PARD3: variants seen among roughly 807,000 people sequenced by gnomAD.
PARD3 encodes partitioning defective 3 homolog.
PARD3 carries 75 observed loss-of-function variants against 155.4 expected under a neutral mutation model. The observed-to-expected ratio is 0.48, with a 90% CI of 0.40 to 0.58. The LOEUF is 0.58. Ranked by LOEUF, PARD3 falls within the 20% of genes least tolerant of loss-of-function variation. The pLI, the probability that PARD3 is intolerant of heterozygous loss-of-function variation, is 0.00. For synonymous variants in PARD3, 576 were observed against 610.5 expected (o/e 0.94, Z 0.83); for missense variants, 1,642 against 1,721.7 (o/e 0.95, Z 0.82).
chr10:34,805,243 G>C (rs1843224438), intron 1 of PARD3, among the ~76,000 whole-genome samples: 1 of 152,046 alleles, frequency 6.6e-6, no homozygotes, highest in Non-Finnish European at 1.5e-5. Flanking sequence ...TGTAATCTCA[G>C]CTACTCGGAA....
intron 4 of PARD3, among the ~76,000 whole-genome samples, chr10:34,454,942 A>G (rs914780606): frequency 3.9e-5 from 6 of 152,138 alleles, no homozygotes. Flanking sequence ...GCCCTCCCCA[A>G]GCTTATTACA....
At chr10:34,439,598 C>T (rs1305053788) in intron 5 of PARD3, among the ~76,000 whole-genome samples, 1 of 152,072 alleles carries the variant, frequency 6.6e-6, no homozygotes, top group East Asian at 1.9e-4. Context: ...GTTGGGATTA[C>T]TGCGTGTGCC....
chr10:34,419,743 T>C (rs1265955016), intron 5 of PARD3, among the ~76,000 whole-genome samples: 2 of 152,176 alleles, frequency 1.3e-5, no homozygotes, highest in African/African-American at 4.8e-5. Context: ...ATTCCAACTC[T>C]CCCTTCAGAA....
At chr10:34,481,918 A>C (rs1284975714) in intron 3 of PARD3, among the ~76,000 whole-genome samples, 1 of 151,836 alleles carries the variant, frequency 6.6e-6, no homozygotes, top group Non-Finnish European at 1.5e-5. Context: ...CTGCAGCCTT[A>C]ACTCCTGGCC....
chr10:34,277,000 T>C (rs1158183462), intron 21 of PARD3, among the ~76,000 whole-genome samples: 1 of 152,214 alleles, frequency 6.6e-6, no homozygotes, highest in Non-Finnish European at 1.5e-5. Flanking sequence ...ATCAGATAGT[T>C]GTTGACTATC....
intron 3 of PARD3, among the ~76,000 whole-genome samples, chr10:34,473,506 G>C (rs1255701024): frequency 6.7e-6 from 1 of 149,828 alleles, no homozygotes; most frequent in East Asian, 2.0e-4. Flanking sequence ...GGGCAACACA[G>C]TGAGATCCTG....
chr10:34,712,511 T>C (rs143855868), intron 1 of PARD3, among the ~76,000 whole-genome samples: 135 of 152,292 alleles, frequency 8.9e-4, no homozygotes, highest in African/African-American at 3.0e-3. Context: ...CTGTATTTTG[T>C]AGAAGAAGAG....
At chr10:34,350,410 C>T (rs999902598) in intron 14 of PARD3, among the ~76,000 whole-genome samples, 1 of 152,026 alleles carries the variant, frequency 6.6e-6, no homozygotes, top group East Asian at 1.9e-4. Flanking sequence ...TTTGGAAGGC[C>T]GAGGCGGGTG....
chr10:34,264,747 AT>A (rs71523323), intron 22 of PARD3, among the ~76,000 whole-genome samples: 29,493 of 145,130 alleles, frequency 0.2, 4,079 homozygotes, highest in African/African-American at 0.4. Context: ...AAAAACTGGG[AT>A]TTTTTTTTTT....
Position 34,616,845 on chromosome 10 carries a change from G to A in PARD3, c.222+79473C>T, listed in dbSNP as rs1260621318. On this transcript the variant is annotated intron_variant, in intron 2 of 24. Coordinates refer to ENST00000374788, the MANE Select transcript of PARD3 (RefSeq NM_001184785.2). ...AGCTACTCAGGACACTGAGGTGGAAGAAACATATGAGCATGGGAGGTGGAG... is the reference window on the plus strand; with the variant it reads ...AGCTACTCAGGACACTGAGGTGGAAAAAACATATGAGCATGGGAGGTGGAG... Among the ~76,000 whole-genome samples the A allele has an allele frequency of 4.1e-5, 6 of 146,202 alleles. No homozygotes were observed. In the East Asian group the frequency reaches 8.0e-4, roughly 19 times the overall value.
chr10:34,585,262 T>G (rs898057333), intron 2 of PARD3, among the ~76,000 whole-genome samples: 1 of 152,178 alleles, frequency 6.6e-6, no homozygotes, highest in South Asian at 2.1e-4. Context: ...ATATTTAACA[T>G]CTATAGCCTT....
At chr10:34,450,512 C>A in intron 4 of PARD3, 64 bp from the exon 5 acceptor site, 1 of 1,468,840 alleles carries the variant, frequency 6.8e-7, no homozygotes, top group Non-Finnish European at 9.3e-7. Flanking sequence ...AGTAATGCAC[C>A]TGGTTTTTCA....
chr10:34,163,866 C>T (rs1198539812), intron 22 of PARD3, among the ~76,000 whole-genome samples: 1 of 152,168 alleles, frequency 6.6e-6, no homozygotes, highest in Non-Finnish European at 1.5e-5. Flanking sequence ...AACATTAATA[C>T]TCTGAAATAA....
chr10:34,612,116 G>C (rs1028997670), intron 2 of PARD3, among the ~76,000 whole-genome samples: 1 of 151,970 alleles, frequency 6.6e-6, no homozygotes, highest in Non-Finnish European at 1.5e-5. Context: ...GTGAGCCACC[G>C]TGCCCAGCTG....
chr10:34,461,520 C>T (rs530471236), intron 4 of PARD3, among the ~76,000 whole-genome samples: 3 of 152,022 alleles, frequency 2.0e-5, no homozygotes, highest in African/African-American at 7.2e-5. Flanking sequence ...GCAGGAGTTT[C>T]GCTTGAACCC....
intron 3 of PARD3, among the ~76,000 whole-genome samples, chr10:34,474,176 A>G (rs1413766085): frequency 1.3e-5 from 2 of 152,188 alleles, no homozygotes; most frequent in Non-Finnish European, 2.9e-5. Context: ...CAGTCACTCA[A>G]CAGCATTTTC....
chr10:34,503,972 G>A (rs1486880859), intron 3 of PARD3, among the ~76,000 whole-genome samples: 1 of 152,162 alleles, frequency 6.6e-6, no homozygotes, highest in African/African-American at 2.4e-5. Context: ...AAATGCCAGT[G>A]AGAAAAGTAG....
chr10:34,393,882 G>A (rs1015732149), intron 7 of PARD3, among the ~76,000 whole-genome samples: 1 of 150,010 alleles, frequency 6.7e-6, no homozygotes, highest in African/African-American at 2.5e-5. Flanking sequence ...CTGTCACCTG[G>A]GCTAGAGTGC....
chr10:34,538,831 C>T (rs1205191538), intron 2 of PARD3, among the ~76,000 whole-genome samples: 1 of 152,236 alleles, frequency 6.6e-6, no homozygotes, highest in Non-Finnish European at 1.5e-5. Context: ...TGAGTTTCTT[C>T]TCCTTCTCAT....
Sources: gnomAD v4.1 joint callset for allele counts (sites outside exome capture counted in the v4.1 genomes callset) on GRCh38, gnomAD v4.1.1 for gene constraint, MANE v1.5 for transcripts, NCBI Gene and HGNC (gene_info 2026-07-23, HGNC 2026-07-21) for gene names.